HEPH: variants seen among roughly 807,000 people sequenced by gnomAD.
The protein encoded by HEPH is hephaestin.
Under a neutral mutation model 80.8 loss-of-function variants are expected in HEPH, and 69 were observed. The ratio of observed to expected loss-of-function variants is 0.85; its 90% CI spans 0.70 to 1.04. HEPH has a LOEUF of 1.04. Among genes scored for constraint, HEPH ranks in the 50% least tolerant of loss-of-function variants. The pLI is 0.00. For missense variants in HEPH, 1,115 were observed against 891.3 expected (o/e 1.25, Z -3.20); for synonymous variants, 431 against 322.8 (o/e 1.34, Z -3.60).
In HEPH at chrX:66,260,256, C is replaced by G; in HGVS notation, c.3193C>G (p.Arg1065Gly). 1 of 1,203,745 alleles carries G rather than the reference C, an allele frequency of 8.3e-7. No individual in the cohort carries two copies. Among genetic ancestry groups the G allele is most frequent in the East Asian group, 3.0e-5 (1 of 33,688 alleles). The change falls in exon 19 of 21, where the codon CGA becomes GGA. Residue 1065 changes from arginine (R) to glycine (G), a missense_variant. Arg to Gly is a moderately radical substitution (Grantham distance 125, BLOSUM62 -2). Transcript: ENST00000343002. The stretch of plus-strand genomic sequence containing the variant: ...GGAGACCCTCTTCACTGTTTTTTCT[C>G]GAACAGGTAAGTCCTAACTTCCCCA... The part of the protein sequence containing the change: ...GMETLFTVFS[R>G]TEHLSPLTVI...
At chrX:66,257,868 A>T (rs28641184) in intron 17 of HEPH, among the ~76,000 whole-genome samples, 5,888 of 111,625 alleles carry the variant, frequency 0.053, 422 homozygotes, top group African/African-American at 0.18. Flanking sequence ...AAGTGGGGGA[A>T]AATTGTCCAG....
At chrX:66,197,208 A>G (rs1255356021) in intron 9 of HEPH, among the ~76,000 whole-genome samples, 1 of 110,268 alleles carries the variant, frequency 9.1e-6, no homozygotes, top group Non-Finnish European at 1.9e-5. Context: ...ATATACATAC[A>G]TACATAACAT....
At chrX:66,177,188 T>C (rs2086847922) in intron 4 of HEPH, among the ~76,000 whole-genome samples, 1 of 112,011 alleles carries the variant, frequency 8.9e-6, no homozygotes, top group Non-Finnish European at 1.9e-5. Context: ...AGTTTTCTTT[T>C]CTGGTTATGT....
Position 66,172,416 on chromosome X carries a change from A to G in HEPH, c.229A>G (p.Ile77Val), listed in dbSNP as rs369897547. The G allele has an allele frequency of 7.5e-6, 9 of 1,207,666 alleles. 1 individual carries two copies. The highest frequency in any genetic ancestry group is 1.0e-5 in the Non-Finnish European group (9 of 893,051). Residue 77 changes from isoleucine (I) to valine (V), a missense_variant, in exon 3 of 21, where the codon ATC becomes GTC. Around this residue, in one of 3 missense-constraint regions of HEPH, gnomAD observed 391 missense variants for 343.6 expected, o/e 1.14. Transcript: ENST00000343002. The part of the protein sequence containing the change: ...NRIGGTYKKT[I>V]YKEYKDDSYT... Reference sequence around the variant, plus strand: ...GATAGGGGGAACCTACAAGAAGACCATCTATAAAGAATACAAGGATGACTC... The same window carrying G: ...GATAGGGGGAACCTACAAGAAGACCGTCTATAAAGAATACAAGGATGACTC...
In HEPH at chrX:66,197,906, G is replaced by T. The variant is rs200465286; in HGVS notation, c.1713+12G>T. The T allele has an allele frequency of 1.6e-3, 1,925 of 1,174,925 alleles. 3 individuals are homozygous for T. The highest frequency in any genetic ancestry group is 2.0e-3 in the Non-Finnish European group (1,764 of 874,422). On this transcript the variant is annotated intron_variant, in intron 10 of 20. Coordinates refer to ENST00000343002, the MANE Select transcript of HEPH (RefSeq NM_001367233.3). ...CAGATGGCAAGCAGGTATTGTCAGG[G>T]TTATCTGGCTGGAAAGCCTGCTGGG...
At chrX:66,228,006 T>G in intron 15 of HEPH, among the ~76,000 whole-genome samples, 1 of 111,446 alleles carries the variant, frequency 9.0e-6, no homozygotes, top group Non-Finnish European at 1.9e-5. Context: ...CTCACTGTAT[T>G]GGTCCATTTT....
intron 15 of HEPH, among the ~76,000 whole-genome samples, chrX:66,226,808 A>C (rs1327671133): frequency 1.8e-5 from 2 of 111,847 alleles, no homozygotes; most frequent in East Asian, 5.6e-4. Context: ...AAAAATTGCC[A>C]ACAACAACAA....
intron 4 of HEPH, among the ~76,000 whole-genome samples, chrX:66,178,298 T>C (rs1282927215): frequency 8.9e-6 from 1 of 112,668 alleles, no homozygotes; most frequent in African/African-American, 3.2e-5. Context: ...GGCTGCATAG[T>C]ATTCCATGGT....
At chrX:66,194,808 A>G (rs1602286943) in intron 8 of HEPH, among the ~76,000 whole-genome samples, 2 of 111,367 alleles carry the variant, frequency 1.8e-5, no homozygotes, top group African/African-American at 6.5e-5. Flanking sequence ...GGTAAATTCC[A>G]CTTCTCTCAG....
At chrX:66,194,760 C>T in intron 8 of HEPH, among the ~76,000 whole-genome samples, 1 of 111,195 alleles carries the variant, frequency 9.0e-6, no homozygotes, top group Admixed American at 9.6e-5. Flanking sequence ...GGCCTCTGGT[C>T]CTGGCTGAAT....
chrX:66,220,889 A>G (rs1353601756), intron 15 of HEPH, among the ~76,000 whole-genome samples: 3 of 111,175 alleles, frequency 2.7e-5, no homozygotes, highest in Non-Finnish European at 5.7e-5. Context: ...CTTGCATAGG[A>G]TAGCATGATA....
In HEPH at chrX:66,189,819, C is replaced by T; in HGVS notation, c.944C>T (p.Thr315Ile). The T allele has an allele frequency of 8.3e-7, 1 of 1,210,748 alleles. No homozygotes were observed. Among genetic ancestry groups the T allele is most frequent in the Non-Finnish European group, 1.1e-6 (1 of 895,077 alleles). The change falls in exon 6 of 21, where the codon ACC becomes ATC. Residue 315 changes from threonine to isoleucine, a missense_variant. Transcript: ENST00000343002. ...TTTTTCCATGGACAGATGCTGACTACCCGTGGACACCACACTGATGTGGCT... is the reference window on the plus strand; with the variant it reads ...TTTTTCCATGGACAGATGCTGACTATCCGTGGACACCACACTGATGTGGCT... ...TAFFHGQMLT[T>I]RGHHTDVANI...
At chrX:66,216,489 C>A (rs1257452034) in intron 15 of HEPH, among the ~76,000 whole-genome samples, 1 of 111,737 alleles carries the variant, frequency 8.9e-6, no homozygotes, top group Non-Finnish European at 1.9e-5. Context: ...AGAGAAATAA[C>A]AATCACTGCA....
At chrX:66,207,148 G>T in intron 13 of HEPH, 47 bp from the exon 14 acceptor site, 1 of 1,121,377 alleles carries the variant, frequency 8.9e-7, no homozygotes, top group Non-Finnish European at 1.2e-6. Context: ...AAATGAAAAT[G>T]AGGGGTTGAT....
In HEPH at chrX:66,266,600, A is replaced by T. The variant is rs1430010786; in HGVS notation, c.3405A>T (p.Arg1135=). The T allele has an allele frequency of 8.3e-7, 1 of 1,207,938 alleles. No individual in the cohort carries two copies. Among genetic ancestry groups the T allele is most frequent in the East Asian group, 3.0e-5 (1 of 33,650 alleles). Residue 1135 remains arginine, a synonymous_variant, in exon 21 of 21, where the codon CGA becomes CGT. Coordinates refer to ENST00000343002, the MANE Select transcript of HEPH (RefSeq NM_001367233.3). The stretch of plus-strand genomic sequence containing the variant: ...GTGGAGTGGTTTGGTACCAACATCG[A>T]CAGAGAAAGCTACGACGCAATAGGA... The part of the protein sequence containing the change: ...ALGGVVWYQH[R]QRKLRRNRRS...
At chrX:66,167,579 G>A (rs745740996) in intron 1 of HEPH, among the ~76,000 whole-genome samples, 2 of 112,235 alleles carry the variant, frequency 1.8e-5, no homozygotes, top group African/African-American at 3.2e-5. Context: ...ATGAACCGAG[G>A]ACACTCCCTC....
In HEPH at chrX:66,180,443, C is replaced by T. The variant is rs139721445; in HGVS notation, c.625+6642C>T. On this transcript the variant is annotated intron_variant, in intron 4 of 20. Transcript: ENST00000343002. ...GAAGCTGAAGATAGGGCCCCAATCC[C>T]TTCTAGCTTGTAGAGTTTCTGCTGA... Among the ~76,000 whole-genome samples the T allele has an allele frequency of 4.5e-5, 5 of 111,286 alleles. No homozygotes were observed. In the East Asian group the frequency reaches 1.4e-3, roughly 31 times the overall value.
chrX:66,218,497 G>A (rs1157207837), intron 15 of HEPH, among the ~76,000 whole-genome samples: 1 of 111,853 alleles, frequency 8.9e-6, no homozygotes, highest in Non-Finnish European at 1.9e-5. Context: ...TTTGACATGA[G>A]CAATAATAGT....
intron 7 of HEPH, among the ~76,000 whole-genome samples, chrX:66,193,028 G>A: frequency 9.0e-6 from 1 of 110,857 alleles, no homozygotes; most frequent in Non-Finnish European, 1.9e-5. Context: ...AGAAAACTTA[G>A]GAAAGTTGGT....
Sources: gnomAD v4.1 joint callset for allele counts (sites outside exome capture counted in the v4.1 genomes callset) on GRCh38, gnomAD v4.1.1 for gene constraint, gnomAD v4.1.1 regional missense constraint, MANE v1.5 for transcripts, NCBI Gene and HGNC (gene_info 2026-07-23, HGNC 2026-07-21) for gene names.